ANXA8: variants seen among roughly 807,000 people sequenced by gnomAD.
The protein encoded by ANXA8 is VAC-beta.
ANXA8 carries 9 observed loss-of-function variants against 26.8 expected under a neutral mutation model. The observed-to-expected ratio is 0.34, with a 90% CI of 0.20 to 0.59. ANXA8 has a LOEUF of 0.59. Ranked by LOEUF, ANXA8 falls within the 20% of genes least tolerant of loss-of-function variation. ANXA8 has a pLI of 0.84. For missense variants in ANXA8, 83 were observed against 238.5 expected, an observed-to-expected ratio of 0.35 and a Z score of 4.29; for synonymous variants, 39 against 94.8, an observed-to-expected ratio of 0.41 and a Z score of 3.42.
At chr10:47,705,780 T>G in the ANXA8 span, among the ~76,000 whole-genome samples, 6 of 152,000 alleles carry the variant, frequency 3.9e-5, 1 homozygote, top group African/African-American at 1.5e-4. Context: ...CAGTGGACAT[T>G]TTGAGAATAT....
At chr10:47,628,785 GA>G in the ANXA8 span, among the ~76,000 whole-genome samples, 1 of 149,476 alleles carries the variant, frequency 6.7e-6, no homozygotes, top group Admixed American at 6.6e-5. Flanking sequence ...GTGAACAAAA[GA>G]AAAAACATTT....
the ANXA8 span, among the ~76,000 whole-genome samples, chr10:47,631,423 G>C: frequency 7.3e-4 from 110 of 150,894 alleles, no homozygotes; most frequent in African/African-American, 2.7e-3. Context: ...TCTTTGCACA[G>C]TAAGGCCTTA....
the ANXA8 span, among the ~76,000 whole-genome samples, chr10:47,727,251 T>C: frequency 1.3e-5 from 2 of 152,292 alleles, no homozygotes; most frequent in African/African-American, 4.8e-5. Flanking sequence ...TCAATGAGTG[T>C]ATGACATAAT....
At chr10:47,487,077 C>G, upstream of ANXA8, 2 of 674,214 alleles carry the variant, frequency 3.0e-6, no homozygotes, top group Non-Finnish European at 4.9e-6. Context: ...GATAGACACC[C>G]CAAACACCCT....
chr10:47,951,670 G>A, the ANXA8 span, among the ~76,000 whole-genome samples: 3 of 150,190 alleles, frequency 2.0e-5, no homozygotes, highest in Non-Finnish European at 2.9e-5. Flanking sequence ...AATTAGCTGG[G>A]TGTGGTGGTG....
chr10:47,567,695 T>C, the ANXA8 span, among the ~76,000 whole-genome samples: 1 of 149,872 alleles, frequency 6.7e-6, no homozygotes, highest in Non-Finnish European at 1.5e-5. Context: ...GAGGTTTAAG[T>C]ATTTATTATT....
At chr10:47,767,611 C>T in the ANXA8 span, among the ~76,000 whole-genome samples, 1 of 150,396 alleles carries the variant, frequency 6.6e-6, no homozygotes. Flanking sequence ...CTACTCACCC[C>T]TATTCTAGCG....
chr10:47,686,353 G>A, the ANXA8 span, among the ~76,000 whole-genome samples: 1 of 151,166 alleles, frequency 6.6e-6, no homozygotes, highest in Non-Finnish European at 1.5e-5. Flanking sequence ...TGAGTAGCTG[G>A]GATTACAGGT....
chr10:47,557,463 T>G, the ANXA8 span, among the ~76,000 whole-genome samples: 1 of 150,750 alleles, frequency 6.6e-6, no homozygotes, highest in South Asian at 2.1e-4. Flanking sequence ...CTCCTCATTT[T>G]AAATTAAGTT....
At chr10:47,493,265 C>T in the ANXA8 span, among the ~76,000 whole-genome samples, 2 of 149,894 alleles carry the variant, frequency 1.3e-5, no homozygotes, top group African/African-American at 5.0e-5. Flanking sequence ...AAGTCGGGGG[C>T]CTGGAGCTCA....
chr10:47,707,194 G>A, the ANXA8 span, among the ~76,000 whole-genome samples: 1 of 141,850 alleles, frequency 7.0e-6, no homozygotes, highest in Non-Finnish European at 1.6e-5. Flanking sequence ...ACAAAAAAAA[G>A]AGTAAACCAA....
chr10:47,554,800 G>A, the ANXA8 span, among the ~76,000 whole-genome samples: 2 of 152,094 alleles, frequency 1.3e-5, no homozygotes, highest in Admixed American at 1.3e-4. Context: ...CACTAGGGAG[G>A]CTACCTACGT....
chr10:47,769,834 T>C, the ANXA8 span, among the ~76,000 whole-genome samples: 1 of 152,412 alleles, frequency 6.6e-6, no homozygotes. Context: ...AGACTGTTTA[T>C]ATTGCTTATA....
the ANXA8 span, among the ~76,000 whole-genome samples, chr10:47,595,060 G>A: frequency 1.3e-5 from 2 of 148,840 alleles, no homozygotes; most frequent in Non-Finnish European, 2.9e-5. Context: ...CAGACTAACA[G>A]TGGACTTCTC....
chr10:47,648,440 C>A, the ANXA8 span, among the ~76,000 whole-genome samples: 2 of 150,140 alleles, frequency 1.3e-5, no homozygotes, highest in Admixed American at 6.6e-5. Flanking sequence ...TCAGTATTTT[C>A]TTTTTCTTCT....
chr10:47,733,315 C>T, the ANXA8 span, among the ~76,000 whole-genome samples: 1 of 108,816 alleles, frequency 9.2e-6, no homozygotes, highest in Non-Finnish European at 1.8e-5. Flanking sequence ...TTTCTCTCTC[C>T]CTCTCCCTCT....
the ANXA8 span, among the ~76,000 whole-genome samples, chr10:47,562,403 TC>T: frequency 8.3e-6 from 1 of 120,520 alleles, no homozygotes; most frequent in Non-Finnish European, 1.7e-5. Context: ...ACCCAGCCCC[TC>T]GAGAGGGGCT....
the ANXA8 span, among the ~76,000 whole-genome samples, chr10:47,521,151 TTTGTA>T: frequency 2.4e-5 from 3 of 123,468 alleles, no homozygotes; most frequent in Non-Finnish European, 4.9e-5. Context: ...ACAGGCCTTA[TTTGTA>T]TTGGAAAGGG....
At chr10:47,954,772 G>T in the ANXA8 span, among the ~76,000 whole-genome samples, 160 of 150,972 alleles carry the variant, frequency 1.1e-3, no homozygotes, top group African/African-American at 3.7e-3. Context: ...TGTTCACAAG[G>T]ACTTATAAAC....
Sources: gnomAD v4.1 joint callset for allele counts (sites outside exome capture counted in the v4.1 genomes callset) on GRCh38, gnomAD v4.1.1 for gene constraint, MANE v1.5 for transcripts, NCBI Gene and HGNC (gene_info 2026-07-23, HGNC 2026-07-21) for gene names.